The following DPP6 variants were observed in gnomAD, a reference collection of about 807,000 sequenced individuals.
The protein encoded by DPP6 is dipeptidyl peptidase like 6.
DPP6 carries 69 observed loss-of-function variants against 122.6 expected under a neutral mutation model. The ratio of observed to expected loss-of-function variants is 0.56; its 90% CI spans 0.46 to 0.69. DPP6 has a LOEUF of 0.69. Among genes scored for constraint, DPP6 ranks in the 30% least tolerant of loss-of-function variants. The probability of loss-of-function intolerance (pLI) is 0.00; values close to 1 mark genes in which losing one functional copy is unlikely to be tolerated. For missense variants in DPP6, 928 were observed against 1,116.9 expected, an observed-to-expected ratio of 0.83 and a Z score of 2.41; for synonymous variants, 418 against 433.1, an observed-to-expected ratio of 0.97 and a Z score of 0.43.
chr7:153,970,163 G>T (rs552139189), intron 1 of DPP6, among the ~76,000 whole-genome samples: 1 of 152,322 alleles, frequency 6.6e-6, no homozygotes, highest in Non-Finnish European at 1.5e-5. Context: ...GCAATTCTGT[G>T]AAAATTTTTA....
At chr7:154,273,970 T>G (rs1025334071) in intron 1 of DPP6, among the ~76,000 whole-genome samples, 3 of 152,190 alleles carry the variant, frequency 2.0e-5, no homozygotes, top group African/African-American at 7.2e-5. Flanking sequence ...CTGCCTGGAC[T>G]GCACCTGCCA....
intron 1 of DPP6, among the ~76,000 whole-genome samples, chr7:154,353,649 A>C (rs920756022): frequency 1.3e-5 from 2 of 152,140 alleles, no homozygotes; most frequent in Non-Finnish European, 2.9e-5. Context: ...AGCCTATTAA[A>C]CTTGAACTCC....
Position 154,879,666 on chromosome 7 carries a change from C to T in DPP6, c.2079-1222C>T, listed in dbSNP as rs189576770. Among the ~76,000 whole-genome samples the T allele has an allele frequency of 1.4e-3, 218 of 151,654 alleles. 5 individuals carry two copies. Among genetic ancestry groups the T allele is most frequent in the Admixed American group, 0.012 (181 of 15,238 alleles). On this transcript the variant is annotated intron_variant, in intron 20 of 25. Coordinates refer to ENST00000377770, the MANE Select transcript of DPP6 (RefSeq NM_130797.4). ...ACTCAGGAGGTTGAGGCAGGAGGAT[C>T]GCTTGAACCTGGGAGGCAGAGGTTG...
chr7:154,647,698 C>T (rs1455811491), intron 6 of DPP6, among the ~76,000 whole-genome samples: 1 of 152,210 alleles, frequency 6.6e-6, no homozygotes, highest in Non-Finnish European at 1.5e-5. Context: ...CCAGATGTTA[C>T]AGGTCACTGC....
Position 154,738,766 on chromosome 7 carries a change from C to T in DPP6, c.883+10879C>T, listed in dbSNP as rs141132519. ...AGTTCAGTGCTAAGAGCAGAGACCA[C>T]AACTTAGGCTTTGCAGCCAGCATTC... On this transcript the variant is annotated intron_variant, in intron 8 of 25. Transcript: ENST00000377770. 3.3e-4 allele frequency among the ~76,000 whole-genome samples: 50 copies of T among 152,298 alleles called. No individual in the cohort carries two copies. In the Middle Eastern group the frequency reaches 0.02, roughly 62 times the overall value.
Position 154,483,939 on chromosome 7 carries a change from C to T in DPP6, c.457+8902C>T, listed in dbSNP as rs943045067. ...TGAACTCCTGACCTCGTGATCTGCCCGCCTCAGCCTCCCAAAGTGTTGGGA... is the reference window on the plus strand; with the variant it reads ...TGAACTCCTGACCTCGTGATCTGCCTGCCTCAGCCTCCCAAAGTGTTGGGA... On this transcript the variant is annotated intron_variant, in intron 3 of 25. Transcript: ENST00000377770. The surrounding 1 kb of genome is among the most constrained non-coding windows in gnomAD (Gnocchi z 8.1). Among the ~76,000 whole-genome samples, 18 of 152,120 alleles carry T rather than the reference C, an allele frequency of 1.2e-4. No individual in the cohort carries two copies. The highest frequency in any genetic ancestry group is 2.2e-4 in the African/African-American group (9 of 41,410).
intron 1 of DPP6, among the ~76,000 whole-genome samples, chr7:154,227,010 CTG>C (rs1296205287): frequency 6.6e-6 from 1 of 152,062 alleles, no homozygotes. Flanking sequence ...CTACAGAAAA[CTG>C]TACAGAGTTC....
In DPP6 at chr7:154,089,265, A is replaced by T. The variant is rs1804642026; in HGVS notation, c.243+36202A>T. The stretch of plus-strand genomic sequence containing the variant: ...GGAATGCGAGTCTCCAGGAATTGTG[A>T]TTTTTTTCTTTCGTTTAAGACGTTC... On this transcript the variant is annotated intron_variant, in intron 1 of 25. Transcript: ENST00000377770. Among the ~76,000 whole-genome samples, 4 of 150,314 alleles carry T rather than the reference A, an allele frequency of 2.7e-5. No homozygotes were observed. In the South Asian group the frequency reaches 8.5e-4, roughly 32 times the overall value.
chr7:154,236,212 A>G (rs1389167668), intron 1 of DPP6, among the ~76,000 whole-genome samples: 1 of 152,180 alleles, frequency 6.6e-6, no homozygotes, highest in Non-Finnish European at 1.5e-5. Flanking sequence ...GAATGTTGTT[A>G]AATTTAATAA....
chr7:154,697,274 T>G (rs557695702), intron 7 of DPP6, among the ~76,000 whole-genome samples: 4 of 152,316 alleles, frequency 2.6e-5, no homozygotes, highest in African/African-American at 7.2e-5. Context: ...TTAAGGAGGC[T>G]TGGACAACCC....
chr7:154,656,904 G>A (rs796752727), intron 6 of DPP6, among the ~76,000 whole-genome samples: 11,128 of 25,758 alleles, frequency 0.43, 3,911 homozygotes, highest in Non-Finnish European at 0.68. Context: ...AGGTGCTCAT[G>A]GGTGGGTGGA....
chr7:154,783,784 T>C (rs993349545), intron 10 of DPP6, among the ~76,000 whole-genome samples: 1 of 152,096 alleles, frequency 6.6e-6, no homozygotes, highest in African/African-American at 2.4e-5. Context: ...TTCTCCTTGC[T>C]CTTTGTCTCA....
At chr7:154,772,473 A>G (rs942002802) in intron 9 of DPP6, among the ~76,000 whole-genome samples, 13 of 151,942 alleles carry the variant, frequency 8.6e-5, no homozygotes, top group African/African-American at 2.7e-4. Context: ...CCGCTCCTCA[A>G]TGTCCATCAT....
chr7:154,017,739 AAAG>A lies in DPP6; in HGVS notation c.51+130008_51+130010del, dbSNP rs1288526590. Among the ~76,000 whole-genome samples, 11 of 150,552 alleles carry A rather than the reference AAAG, an allele frequency of 7.3e-5. No homozygotes were observed. The East Asian group carries it at 2.1e-3, about 29-fold the overall frequency. ...AAAAATAAAAAAATAAAAAAAAAAA[AAAG>A]AAAAATATAAAGAAAGAATTAGAAT... is the stretch of plus-strand genomic sequence containing the variant. On this transcript the variant is annotated intron_variant, in intron 1 of 25. Coordinates refer to the DPP6 transcript ENST00000404039.
chr7:154,262,008 G>GGAGGGAGAGAGGGAGAGAGGGAGA (rs570291443), intron 1 of DPP6, among the ~76,000 whole-genome samples: 1 of 151,568 alleles, frequency 6.6e-6, no homozygotes, highest in African/African-American at 2.4e-5. Flanking sequence ...AGGAAGGAAG[G>GGAGGGAGAGAGGGAGAGAGGGAGA]GAGGGAGAGA....
chr7:154,078,553 G>A (rs1413577508), intron 1 of DPP6, among the ~76,000 whole-genome samples: 1 of 152,084 alleles, frequency 6.6e-6, no homozygotes, highest in South Asian at 2.1e-4. Context: ...GTTGTGGGTT[G>A]GTTAGGCTTG....
intron 3 of DPP6, 39 bp downstream of exon 3, chr7:154,475,076 C>A: frequency 6.9e-7 from 1 of 1,459,532 alleles, no homozygotes; most frequent in Non-Finnish European, 9.6e-7. Context: ...ATCGCTTCCC[C>A]ATGCCTCACC....
chr7:154,891,711 G>A (rs576588114), intron 25 of DPP6, among the ~76,000 whole-genome samples: 9 of 152,166 alleles, frequency 5.9e-5, no homozygotes, highest in African/African-American at 2.2e-4. Flanking sequence ...TCAGCCTCCC[G>A]AGTAGCTGGG....
rs374670144 is a variant in DPP6 at position 154,470,649 on chromosome 7, G to T, written c.359-4290G>T. 2.0e-5 allele frequency among the ~76,000 whole-genome samples: 3 copies of T among 152,316 alleles called. No homozygotes were observed. In the South Asian group the frequency reaches 6.2e-4, roughly 32 times the overall value. On this transcript the variant is annotated intron_variant, in intron 2 of 25. Coordinates refer to ENST00000377770, the MANE Select transcript of DPP6 (RefSeq NM_130797.4). ...AAATTTGCATTACACATTGGCCACC[G>T]TAAAGAGTAACTACATCACTGCAGA...
Sources: allele counts gnomAD v4.1 joint callset (sites outside exome capture counted in the v4.1 genomes callset), GRCh38; gene constraint gnomAD v4.1.1; non-coding constraint Gnocchi (gnomAD v3.1); transcripts MANE v1.5; gene names NCBI Gene and HGNC (gene_info 2026-07-23, HGNC 2026-07-21).